The following CSTF3 variants were observed in gnomAD, a reference collection of about 807,000 sequenced individuals.
CSTF3 encodes the protein CF-1 77 kDa subunit.
A neutral mutation model predicts 105.8 loss-of-function variants in CSTF3; 29 were observed. That is an observed-to-expected ratio of 0.27 (90% CI 0.20 to 0.37). The LOEUF (loss-of-function observed/expected upper bound fraction) is 0.37. Among genes scored for constraint, CSTF3 ranks in the 10% least tolerant of loss-of-function variants. The pLI, the probability that CSTF3 is intolerant of heterozygous loss-of-function variation, is 1.00. For synonymous variants in CSTF3, 252 were observed against 281.9 expected, an observed-to-expected ratio of 0.89 and a Z score of 1.06; for missense variants, 357 against 879.3, an observed-to-expected ratio of 0.41 and a Z score of 7.51.
intron 1 of CSTF3, among the ~76,000 whole-genome samples, chr11:33,159,630 G>C (rs1849912033): frequency 6.9e-6 from 1 of 145,214 alleles, no homozygotes; most frequent in Non-Finnish European, 1.5e-5. Flanking sequence ...AAAATTAGCT[G>C]GGCATGGTGG....
At chr11:33,123,920 GAATAT>G (rs1000831466) in intron 3 of CSTF3, among the ~76,000 whole-genome samples, 2 of 151,660 alleles carry the variant, frequency 1.3e-5, no homozygotes, top group Admixed American at 6.6e-5. Flanking sequence ...ATACATATAT[GAATAT>G]AAATACACAT....
chr11:33,121,902 G>A lies in CSTF3; in HGVS notation c.226-13484C>T, dbSNP rs377597912. On this transcript the variant is annotated intron_variant, in intron 3 of 20. Coordinates refer to ENST00000323959, the MANE Select transcript of CSTF3 (RefSeq NM_001326.3). Reference sequence around the variant, plus strand: ...ATCAGATTATCAAAAGCTGTGACATGTAAGAAATAAAAAAATTAAATTAAC... The same window carrying A: ...ATCAGATTATCAAAAGCTGTGACATATAAGAAATAAAAAAATTAAATTAAC... Among the ~76,000 whole-genome samples, 6 of 152,264 alleles carry A rather than the reference G, an allele frequency of 3.9e-5. No individual in the cohort carries two copies. The South Asian group carries it at 1.0e-3, about 26-fold the overall frequency.
chr11:33,112,483 G>C (rs1285804032), intron 3 of CSTF3, among the ~76,000 whole-genome samples: 1 of 152,046 alleles, frequency 6.6e-6, no homozygotes, highest in Non-Finnish European at 1.5e-5. Flanking sequence ...AGTCAACAAA[G>C]CTATAAACTA....
chr11:33,120,459 A>G (rs2133786424), intron 3 of CSTF3, among the ~76,000 whole-genome samples: 1 of 151,886 alleles, frequency 6.6e-6, no homozygotes, highest in South Asian at 2.1e-4. Context: ...AATCTTGACA[A>G]ACTCCACTTT....
intron 1 of CSTF3, among the ~76,000 whole-genome samples, chr11:33,158,980 T>G (rs1431361090): frequency 3.3e-5 from 5 of 150,858 alleles, no homozygotes; most frequent in Non-Finnish European, 7.4e-5. Context: ...TCTAGATTGA[T>G]TCTGGTTAAA....
chr11:33,156,843 CTT>C, intron 1 of CSTF3: 1 of 353,812 alleles, frequency 2.8e-6, no homozygotes, highest in Non-Finnish European at 5.5e-6. Context: ...AAGATGCAAA[CTT>C]AATCCATTCA....
chr11:33,160,309 T>C (rs1261609845), intron 1 of CSTF3, among the ~76,000 whole-genome samples: 2 of 152,178 alleles, frequency 1.3e-5, no homozygotes, highest in Non-Finnish European at 2.9e-5. Context: ...ACGCTCCTAT[T>C]TTGCCTCATC....
At chr11:33,119,154 C>A (rs1275275260) in intron 3 of CSTF3, among the ~76,000 whole-genome samples, 1 of 151,690 alleles carries the variant, frequency 6.6e-6, no homozygotes, top group Non-Finnish European at 1.5e-5. Context: ...TCACTACATA[C>A]AAATTGAAAA....
chr11:33,147,476 TCA>T (rs1197249476), intron 1 of CSTF3, among the ~76,000 whole-genome samples: 1 of 151,492 alleles, frequency 6.6e-6, no homozygotes, highest in Non-Finnish European at 1.5e-5. Flanking sequence ...GTGCCTGTAG[TCA>T]CAGATACTTG....
In CSTF3 at chr11:33,090,732, A is replaced by G. The variant is rs879518381; in HGVS notation, c.1446-5T>C. The G allele has an allele frequency of 3.3e-6, 5 of 1,516,812 alleles. No individual in the cohort carries two copies. The highest frequency in any genetic ancestry group is 3.5e-6 in the Non-Finnish European group (4 of 1,133,066). The allele number at this position is 1,516,812 out of a possible 1,614,324, so 94.0% of individuals were successfully genotyped here. ...AGAAATCGGGCCCAGATTTCTCTGC[A>G]AGAAAAGAAATACAATCAATACTTT... On this transcript the variant is annotated splice_polypyrimidine_tract_variant and splice_region_variant and intron_variant, in intron 16 of 20. Transcript: ENST00000323959.
chr11:33,093,011 T>A (rs538780605), intron 15 of CSTF3, among the ~76,000 whole-genome samples: 187 of 152,336 alleles, frequency 1.2e-3, no homozygotes, highest in African/African-American at 4.3e-3. Flanking sequence ...ACAACAACCA[T>A]TGAATCTACT....
chr11:33,142,958 A>G (rs190705031), intron 1 of CSTF3, among the ~76,000 whole-genome samples: 8 of 152,316 alleles, frequency 5.3e-5, no homozygotes, highest in Admixed American at 5.2e-4. Context: ...TAGATTTATT[A>G]TGAGAGAGGT....
chr11:33,086,863 CAT>C, intron 18 of CSTF3, 123 bp downstream of exon 18: 1 of 1,068,724 alleles, frequency 9.4e-7, no homozygotes, highest in Non-Finnish European at 1.4e-6. Flanking sequence ...AATCACTTGT[CAT>C]AGTGATCCTA....
intron 3 of CSTF3, among the ~76,000 whole-genome samples, chr11:33,111,601 A>C (rs1855379760): frequency 6.6e-6 from 1 of 152,220 alleles, no homozygotes; most frequent in Non-Finnish European, 1.5e-5. Flanking sequence ...AAATAGAGAC[A>C]AGAAAAAAGA....
intron 3 of CSTF3, among the ~76,000 whole-genome samples, chr11:33,125,911 A>C (rs1211463142): frequency 6.6e-6 from 1 of 152,116 alleles, no homozygotes; most frequent in Non-Finnish European, 1.5e-5. Flanking sequence ...TAGTGCTGTA[A>C]GTTCAATGTT....
Position 33,099,282 on chromosome 11 carries a change from T to C in CSTF3, c.937-132A>G. 1 of 1,140,432 alleles carries C rather than the reference T, an allele frequency of 8.8e-7. No homozygotes were observed. Among genetic ancestry groups the C allele is most frequent in the Non-Finnish European group, 1.2e-6 (1 of 819,426 alleles). The allele number at this position is 1,140,432 out of a possible 1,614,324, so 70.6% of individuals were successfully genotyped here. ...GCATACATGTATGTACACACATATA[T>C]ATGTATCCACACACACACATACATA... On this transcript the variant is annotated intron_variant, in intron 11 of 20. Transcript: ENST00000323959. The surrounding 1 kb of genome is among the most constrained non-coding windows in gnomAD (Gnocchi z 4.1).
At chr11:33,158,939 A>C (rs1167350892) in intron 1 of CSTF3, among the ~76,000 whole-genome samples, 2 of 152,192 alleles carry the variant, frequency 1.3e-5, no homozygotes, top group African/African-American at 2.4e-5. Flanking sequence ...AGACTACTTA[A>C]GAGACAGAAG....
chr11:33,110,321 G>C (rs1334837359), intron 3 of CSTF3, among the ~76,000 whole-genome samples: 2 of 152,168 alleles, frequency 1.3e-5, no homozygotes, highest in East Asian at 3.8e-4. Flanking sequence ...CTCAAGAGTA[G>C]GGAGGACTCA....
intron 3 of CSTF3, among the ~76,000 whole-genome samples, chr11:33,112,942 T>C (rs183392791): frequency 1.2e-3 from 187 of 152,204 alleles, no homozygotes; most frequent in African/African-American, 4.3e-3. Context: ...TACATGTGGC[T>C]CACACCTGTA....
Sources: gnomAD v4.1 joint callset for allele counts (sites outside exome capture counted in the v4.1 genomes callset) on GRCh38, gnomAD v4.1.1 for gene constraint, Gnocchi (gnomAD v3.1) non-coding constraint, MANE v1.5 for transcripts, NCBI Gene and HGNC (gene_info 2026-07-23, HGNC 2026-07-21) for gene names.